Variants in FAM107B observed in about 807,000 individuals in gnomAD.
The protein encoded by FAM107B is family with sequence similarity 107 member B.
A neutral mutation model predicts 31.5 loss-of-function variants in FAM107B; 21 were observed. The ratio of observed to expected loss-of-function variants is 0.67; its 90% confidence interval spans 0.47 to 0.96. The LOEUF (loss-of-function observed/expected upper bound fraction) is 0.96, where lower values mean the gene tolerates loss of function less well. Ranked by LOEUF, FAM107B falls within the 40% of genes least tolerant of loss-of-function variation. The pLI is 0.00. For missense variants in FAM107B, 452 were observed against 377.1 expected, an observed-to-expected ratio of 1.20 and a Z score of -1.64; for synonymous variants, 157 against 141.5, an observed-to-expected ratio of 1.11 and a Z score of -0.78.
At chr10:14,604,763 GTC>G (rs922201463) in intron 2 of FAM107B, among the ~76,000 whole-genome samples, 5 of 121,232 alleles carry the variant, frequency 4.1e-5, no homozygotes, top group African/African-American at 1.5e-4. Context: ...CTACCTCTCT[GTC>G]TCTCTCACAC....
chr10:14,590,760 T>C (rs945533290), intron 2 of FAM107B, among the ~76,000 whole-genome samples: 1 of 151,032 alleles, frequency 6.6e-6, no homozygotes, highest in Non-Finnish European at 1.5e-5. Flanking sequence ...GGCAGGCGGA[T>C]CACCCAAGGT....
intron 2 of FAM107B, among the ~76,000 whole-genome samples, chr10:14,644,567 TATC>T (rs1853706944): frequency 1.3e-5 from 2 of 152,236 alleles, no homozygotes; most frequent in Non-Finnish European, 2.9e-5. Flanking sequence ...AATGTGAAAA[TATC>T]ATCTTGGTTT....
chr10:14,617,891 G>A (rs117975117), intron 2 of FAM107B, among the ~76,000 whole-genome samples: 1,668 of 152,140 alleles, frequency 0.011, 12 homozygotes, highest in Non-Finnish European at 0.019. Flanking sequence ...TGGGAGGTGG[G>A]GTTTACAGGC....
intron 2 of FAM107B, among the ~76,000 whole-genome samples, chr10:14,598,726 G>A (rs763205127): frequency 3.3e-5 from 5 of 152,202 alleles, no homozygotes; most frequent in Non-Finnish European, 7.3e-5. Flanking sequence ...GTAACATTTT[G>A]TAAAGAACAT....
At chr10:14,754,420 G>C (rs1832889086) in intron 1 of FAM107B, among the ~76,000 whole-genome samples, 1 of 152,190 alleles carries the variant, frequency 6.6e-6, no homozygotes, top group Admixed American at 6.5e-5. Context: ...TCCAAGCAGA[G>C]TGGTCTTATC....
chr10:14,647,989 C>A (rs1056806548), intron 2 of FAM107B, among the ~76,000 whole-genome samples: 1 of 150,938 alleles, frequency 6.6e-6, no homozygotes, highest in African/African-American at 2.4e-5. Flanking sequence ...GAGTGAGAAT[C>A]CATTTTTAGC....
chr10:14,721,270 A>G (rs1383295271), intron 1 of FAM107B, among the ~76,000 whole-genome samples: 2 of 152,048 alleles, frequency 1.3e-5, no homozygotes, highest in Non-Finnish European at 2.9e-5. Flanking sequence ...GTTGGTTCCA[A>G]GTCTTTGCTA....
At chr10:14,587,394 C>T (rs370076987) in intron 2 of FAM107B, among the ~76,000 whole-genome samples, 24 of 152,272 alleles carry the variant, frequency 1.6e-4, no homozygotes, top group African/African-American at 2.9e-4. Flanking sequence ...TTTATCCAAT[C>T]GCGGGAAGTT....
intron 1 of FAM107B, among the ~76,000 whole-genome samples, chr10:14,741,854 C>T (rs1254320668): frequency 2.0e-5 from 3 of 151,390 alleles, no homozygotes; most frequent in African/African-American, 4.9e-5. Flanking sequence ...CACAGGCACC[C>T]GCCCCCACAC....
chr10:14,607,104 G>A (rs1471851485), intron 2 of FAM107B, among the ~76,000 whole-genome samples: 1 of 152,198 alleles, frequency 6.6e-6, no homozygotes, highest in Non-Finnish European at 1.5e-5. Context: ...AATGTGATAA[G>A]TGACCACGGT....
At chr10:14,597,341 A>G (rs978177297) in intron 2 of FAM107B, among the ~76,000 whole-genome samples, 3 of 145,068 alleles carry the variant, frequency 2.1e-5, no homozygotes, top group African/African-American at 7.7e-5. Context: ...AAACTTGGAT[A>G]AAGCGTGAGT....
intron 2 of FAM107B, among the ~76,000 whole-genome samples, chr10:14,622,401 T>C (rs1425216032): frequency 2.0e-5 from 3 of 149,946 alleles, no homozygotes; most frequent in Non-Finnish European, 4.4e-5. Flanking sequence ...TCTGCCTCCC[T>C]GGTTCAGAGA....
Position 14,521,286 on chromosome 10 carries a change from T to G in FAM107B, c.825A>C (p.Lys275Asn). 1 of 1,614,160 alleles carries G rather than the reference T, an allele frequency of 6.2e-7. No individual in the cohort carries two copies. Among genetic ancestry groups the G allele is most frequent in the South Asian group, 1.1e-5 (1 of 91,082 alleles). ...GGGCATTTTCTTGCTCTTCTTGCAA[T>G]TTCTGCTTCTCAAGTTCAAGCTAAA... Reference protein sequence around the residue: ...KLEQLELEKQKLQEEQENAPE... With the variant: ...KLEQLELEKQNLQEEQENAPE... The change falls in exon 5 of 5, where the codon AAA becomes AAC. Residue 275 changes from lysine (K) to asparagine (N), a missense_variant. Coordinates refer to ENST00000181796, the MANE Select transcript of FAM107B (RefSeq NM_031453.4).
chr10:14,653,062 G>T (rs1035886213), intron 2 of FAM107B, among the ~76,000 whole-genome samples: 2 of 152,154 alleles, frequency 1.3e-5, no homozygotes, highest in African/African-American at 4.8e-5. Context: ...AAACCAAGAA[G>T]GCAAAACTCG....
intron 1 of FAM107B, among the ~76,000 whole-genome samples, chr10:14,747,133 C>T (rs1203967707): frequency 6.6e-6 from 1 of 152,200 alleles, no homozygotes; most frequent in Non-Finnish European, 1.5e-5. Context: ...TTGCGTTTCT[C>T]AGCTCCATCA....
At chr10:14,763,672 G>A (rs571579643) in intron 1 of FAM107B, among the ~76,000 whole-genome samples, 1 of 152,280 alleles carries the variant, frequency 6.6e-6, no homozygotes, top group African/African-American at 2.4e-5. Context: ...ACCTGGGGAT[G>A]AAAGCCATCT....
At chr10:14,740,696 A>G (rs7893731) in intron 1 of FAM107B, among the ~76,000 whole-genome samples, 17,253 of 152,126 alleles carry the variant, frequency 0.11, 1,039 homozygotes, top group African/African-American at 0.16. Context: ...CTGTGTGCAC[A>G]GGGAGGGGAC....
At chr10:14,705,043 A>AAG (rs1855488715) in intron 1 of FAM107B, among the ~76,000 whole-genome samples, 1 of 150,908 alleles carries the variant, frequency 6.6e-6, no homozygotes, top group Non-Finnish European at 1.5e-5. Flanking sequence ...AAAAAAAAAA[A>AAG]TAGACAAAGG....
chr10:14,670,986 G>A (rs1317956353), intron 1 of FAM107B, among the ~76,000 whole-genome samples: 3 of 152,204 alleles, frequency 2.0e-5, no homozygotes, highest in Admixed American at 6.5e-5. Flanking sequence ...CAGTCCAACT[G>A]TAGTAGACAT....
Sources: gnomAD v4.1 joint callset for allele counts (sites outside exome capture counted in the v4.1 genomes callset) on GRCh38, gnomAD v4.1.1 for gene constraint, MANE v1.5 for transcripts, NCBI Gene and HGNC (gene_info 2026-07-23, HGNC 2026-07-21) for gene names.